Variants in FSTL4 observed in about 807,000 individuals in gnomAD.
FSTL4 encodes the protein follistatin-related protein 4.
Under a neutral mutation model 78.2 loss-of-function variants are expected in FSTL4, and 28 were observed. The observed-to-expected ratio is 0.36, with a 90% CI of 0.27 to 0.49. The LOEUF (loss-of-function observed/expected upper bound fraction) is 0.49. Ranked by LOEUF, FSTL4 falls within the 20% of genes least tolerant of loss-of-function variation. The probability of loss-of-function intolerance (pLI) is 0.98; values close to 1 mark genes in which losing one functional copy is unlikely to be tolerated. For missense variants in FSTL4, 922 were observed against 1,084.9 expected (o/e 0.85, Z 2.11); for synonymous variants, 422 against 440.5 (o/e 0.96, Z 0.53).
chr5:133,326,278 C>T (rs1026541426), intron 4 of FSTL4, among the ~76,000 whole-genome samples: 1 of 152,206 alleles, frequency 6.6e-6, no homozygotes, highest in African/African-American at 2.4e-5. Flanking sequence ...AACATGATGT[C>T]GTTTCACTGA....
intron 6 of FSTL4, among the ~76,000 whole-genome samples, chr5:133,257,106 G>A (rs905756833): frequency 3.3e-5 from 5 of 152,224 alleles, no homozygotes; most frequent in Admixed American, 2.6e-4. Flanking sequence ...TTAAGCAAGT[G>A]AACTATTAGG....
chr5:133,423,839 A>G (rs74805343), intron 3 of FSTL4, among the ~76,000 whole-genome samples: 6,605 of 152,256 alleles, frequency 0.043, 233 homozygotes, highest in African/African-American at 0.096. Flanking sequence ...AACTGAGTAT[A>G]ACTTTGTCAC....
the FSTL4 span, among the ~76,000 whole-genome samples, chr5:133,841,029 C>T: frequency 7.9e-5 from 12 of 152,244 alleles, no homozygotes; most frequent in South Asian, 2.1e-4. Flanking sequence ...ACCACTGACA[C>T]CTTGCCACTG....
chr5:133,210,256 T>C lies in FSTL4; in HGVS notation c.1651A>G (p.Lys551Glu). 2.5e-6 allele frequency: 4 copies of C among 1,612,852 alleles called. No homozygotes were observed. Among genetic ancestry groups the C allele is most frequent in the Non-Finnish European group, 2.5e-6 (3 of 1,178,960 alleles). Residue 551 changes from lysine to glutamate, a missense_variant, in exon 14 of 16, where the codon AAG (lysine) becomes GAG (glutamate). By Grantham distance (56) the Lys-to-Glu change is moderately conservative. Transcript: ENST00000265342. ...DPLPAKLSYDKSHDQVWVLSW... is the reference protein window; with the variant it reads ...DPLPAKLSYDESHDQVWVLSW... ...AGGACCCACACTTGGTCATGTGACTTGTCATAGGACAGCTTAGCCGGCAGA... is the reference window on the plus strand; with the variant it reads ...AGGACCCACACTTGGTCATGTGACTCGTCATAGGACAGCTTAGCCGGCAGA...
chr5:133,480,635 G>A (rs1758007645), intron 3 of FSTL4, among the ~76,000 whole-genome samples: 1 of 151,948 alleles, frequency 6.6e-6, no homozygotes, highest in African/African-American at 2.4e-5. Context: ...CCCTGGTATG[G>A]ACGCGGTGGG....
At chr5:133,521,454 T>G (rs1758979846) in intron 3 of FSTL4, among the ~76,000 whole-genome samples, 1 of 152,138 alleles carries the variant, frequency 6.6e-6, no homozygotes, top group African/African-American at 2.4e-5. Flanking sequence ...TCCTAATTCA[T>G]GAGGACTTGC....
At chr5:133,352,641 C>T (rs1467347567) in intron 4 of FSTL4, among the ~76,000 whole-genome samples, 1 of 152,094 alleles carries the variant, frequency 6.6e-6, no homozygotes, top group Non-Finnish European at 1.5e-5. Context: ...AATACTGTTC[C>T]CATCTTTATG....
At chr5:133,610,457 G>A (rs1192908920) in intron 1 of FSTL4, among the ~76,000 whole-genome samples, 3 of 152,182 alleles carry the variant, frequency 2.0e-5, no homozygotes, top group Non-Finnish European at 4.4e-5. Flanking sequence ...TTTTTCCTAG[G>A]ATGGGAGGGA....
intron 4 of FSTL4, among the ~76,000 whole-genome samples, chr5:133,381,439 A>G (rs1755567475): frequency 6.6e-6 from 1 of 152,250 alleles, no homozygotes; most frequent in Non-Finnish European, 1.5e-5. Context: ...GAGTTCAAAA[A>G]CAAGAGAAAG....
the FSTL4 span, among the ~76,000 whole-genome samples, chr5:133,672,536 T>C: frequency 1.3e-5 from 2 of 152,234 alleles, no homozygotes; most frequent in African/African-American, 2.4e-5. Flanking sequence ...AGTGAATAAA[T>C]GAACTTTGTC....
At chr5:133,781,406 TGTGTGGC>T in the FSTL4 span, among the ~76,000 whole-genome samples, 6 of 107,968 alleles carry the variant, frequency 5.6e-5, no homozygotes, top group South Asian at 3.2e-4. Flanking sequence ...TGTGTGTGTG[TGTGTGGC>T]GTGTATGTGT....
At chr5:133,710,572 G>A in the FSTL4 span, among the ~76,000 whole-genome samples, 1 of 152,198 alleles carries the variant, frequency 6.6e-6, no homozygotes, top group African/African-American at 2.4e-5. Flanking sequence ...GGATTTGGCA[G>A]TTACCCAGGG....
At chr5:133,729,081 C>A in the FSTL4 span, among the ~76,000 whole-genome samples, 3 of 152,070 alleles carry the variant, frequency 2.0e-5, no homozygotes, top group East Asian at 5.8e-4. Context: ...CATGCTGAAG[C>A]TGAGAGGAAC....
chr5:133,679,064 A>G, the FSTL4 span, among the ~76,000 whole-genome samples: 1 of 152,284 alleles, frequency 6.6e-6, no homozygotes, highest in South Asian at 2.1e-4. Context: ...ACACAGACAG[A>G]ACCTGGAGGA....
intron 3 of FSTL4, among the ~76,000 whole-genome samples, chr5:133,503,216 A>T (rs1460123052): frequency 6.6e-6 from 1 of 152,222 alleles, no homozygotes; most frequent in Admixed American, 6.5e-5. Flanking sequence ...GAACCCACAA[A>T]GTTGCACTAG....
chr5:133,325,168 C>G (rs1050990525), intron 4 of FSTL4, among the ~76,000 whole-genome samples: 1 of 152,240 alleles, frequency 6.6e-6, no homozygotes, highest in Non-Finnish European at 1.5e-5. Context: ...GCTGAGCGCC[C>G]TGTGCTTGAA....
intron 4 of FSTL4, among the ~76,000 whole-genome samples, chr5:133,336,784 C>T (rs1201148169): frequency 6.6e-6 from 1 of 152,152 alleles, no homozygotes; most frequent in Admixed American, 6.5e-5. Context: ...CTCCCTGGGG[C>T]CTTTTCTGAT....
chr5:133,764,487 A>G, the FSTL4 span, among the ~76,000 whole-genome samples: 1 of 152,218 alleles, frequency 6.6e-6, no homozygotes. Context: ...ACCATGCCAT[A>G]GGCAAGCCAA....
chr5:133,362,545 G>A (rs186220439), intron 4 of FSTL4, among the ~76,000 whole-genome samples: 4 of 152,354 alleles, frequency 2.6e-5, no homozygotes, highest in South Asian at 2.1e-4. Flanking sequence ...TAGCCTGAGC[G>A]CTTTCTCAGT....
Sources: allele counts gnomAD v4.1 joint callset (sites outside exome capture counted in the v4.1 genomes callset), GRCh38; gene constraint gnomAD v4.1.1; transcripts MANE v1.5; gene names NCBI Gene and HGNC (gene_info 2026-07-23, HGNC 2026-07-21).